Variants in SDK1 observed in about 807,000 individuals in gnomAD.
SDK1 encodes the protein sidekick cell adhesion molecule 1.
SDK1 carries 157 observed loss-of-function variants against 245.5 expected under a neutral mutation model. The ratio of observed to expected loss-of-function variants is 0.64; its 90% CI spans 0.56 to 0.73. The LOEUF is 0.73. Ranked by LOEUF, SDK1 falls within the 30% of genes least tolerant of loss-of-function variation. The pLI is 0.00. For missense variants in SDK1, 3,583 were observed against 3,002.3 expected (o/e 1.19, Z -4.52); for synonymous variants, 1,647 against 1,278.5 (o/e 1.29, Z -6.15).
intron 3 of SDK1, 103 bp from the exon 4 acceptor site, chr7:3,641,855 G>A (rs1021702932): frequency 5.6e-6 from 5 of 887,856 alleles, no homozygotes; most frequent in Admixed American, 2.4e-5. Flanking sequence ...AAATGTGGCA[G>A]CATCAGTGAC....
At chr7:4,027,362 C>G (rs1319422466) in intron 17 of SDK1, among the ~76,000 whole-genome samples, 1 of 152,190 alleles carries the variant, frequency 6.6e-6, no homozygotes, top group Non-Finnish European at 1.5e-5. Context: ...TGTGCCAAAT[C>G]CAGCTGATTT....
chr7:3,481,812 C>T (rs967251318), intron 1 of SDK1, among the ~76,000 whole-genome samples: 3 of 152,294 alleles, frequency 2.0e-5, no homozygotes, highest in Admixed American at 6.5e-5. Flanking sequence ...CTAAACTGTC[C>T]TACCTTTTGT....
rs1330421809 is a variant in SDK1 at position 4,268,111 on chromosome 7, T to C, written c.*2727T>C. On this transcript the variant is annotated 3_prime_UTR_variant, in exon 45 of 45. Coordinates refer to ENST00000404826, the MANE Select transcript of SDK1 (RefSeq NM_152744.4). ...GGCTAGATGGAATGTGCTCCCGCTC[T>C]CTCCTGCCGTGCTGAAAGTCATGCC... The C allele has an allele frequency of 2.0e-6, 2 of 985,532 alleles. No homozygotes were observed. Among genetic ancestry groups the C allele is most frequent in the Non-Finnish European group, 2.4e-6 (2 of 830,086 alleles). 61.0% of individuals were successfully genotyped at this position (985,532 alleles called of 1,614,324 possible).
intron 4 of SDK1, among the ~76,000 whole-genome samples, chr7:3,649,730 G>T (rs1283924129): frequency 1.3e-5 from 2 of 152,160 alleles, no homozygotes; most frequent in African/African-American, 4.8e-5. Flanking sequence ...AGAGAGGCCA[G>T]CAGTTGGCCG....
chr7:4,139,110 G>A (rs1386310850), intron 28 of SDK1, among the ~76,000 whole-genome samples: 2 of 150,184 alleles, frequency 1.3e-5, no homozygotes, highest in Non-Finnish European at 2.9e-5. Flanking sequence ...CACAGTGGGA[G>A]GAGCCCAGCC....
intron 1 of SDK1, among the ~76,000 whole-genome samples, chr7:3,443,877 C>G (rs1039097623): frequency 8.5e-5 from 13 of 152,170 alleles, no homozygotes; most frequent in Non-Finnish European, 1.8e-4. Context: ...TCAAGTTCAG[C>G]TAAACCACAG....
intron 2 of SDK1, among the ~76,000 whole-genome samples, chr7:3,621,046 C>T (rs528257081): frequency 1.3e-4 from 20 of 152,188 alleles, no homozygotes; most frequent in Non-Finnish European, 5.9e-5. Context: ...CCTCCCCTCC[C>T]GTAAGTGAAA....
In SDK1 at chr7:4,205,280, G is replaced by A. The variant is rs1047016798; in HGVS notation, c.5099-599G>A. On this transcript the variant is annotated intron_variant, in intron 35 of 44. Coordinates refer to ENST00000404826, the MANE Select transcript of SDK1 (RefSeq NM_152744.4). ...TCTAGATCAGGGCTTCATAGCCAGG[G>A]ATGCCTGAACCTGTCATGGGAACAC... Among the ~76,000 whole-genome samples, 3 of 152,160 alleles carry A rather than the reference G, an allele frequency of 2.0e-5. No homozygotes were observed. In the East Asian group the frequency reaches 5.8e-4, roughly 29 times the overall value.
chr7:4,244,362 C>A (rs1461903100), intron 43 of SDK1, among the ~76,000 whole-genome samples: 1 of 152,218 alleles, frequency 6.6e-6, no homozygotes, highest in Non-Finnish European at 1.5e-5. Context: ...GCCTGTCTGA[C>A]TGCCCACAGG....
At chr7:4,032,048 CATAG>C (rs941528121) in intron 17 of SDK1, among the ~76,000 whole-genome samples, 3 of 146,896 alleles carry the variant, frequency 2.0e-5, no homozygotes, top group East Asian at 2.0e-4. Flanking sequence ...AAAAAAAGTA[CATAG>C]ATAGATAGAT....
At chr7:3,322,060 A>C (rs1195472419) in intron 1 of SDK1, among the ~76,000 whole-genome samples, 1 of 149,364 alleles carries the variant, frequency 6.7e-6, no homozygotes, top group Non-Finnish European at 1.5e-5. Flanking sequence ...GAACTATTTT[A>C]AAGTGAACAG....
intron 44 of SDK1, among the ~76,000 whole-genome samples, chr7:4,262,090 C>T (rs34278493): frequency 0.3 from 36,418 of 121,736 alleles, 5,119 homozygotes; most frequent in Middle Eastern, 0.36. Context: ...AGTGCAGTGG[C>T]GAGATCTCGG....
intron 5 of SDK1, among the ~76,000 whole-genome samples, chr7:3,830,739 G>A (rs1023966410): frequency 1.2e-4 from 18 of 152,104 alleles, no homozygotes; most frequent in South Asian, 6.2e-4. Flanking sequence ...TCAAACAGTC[G>A]TCCTGTCTCG....
chr7:3,446,843 T>C (rs1457978645), intron 1 of SDK1, among the ~76,000 whole-genome samples: 2 of 152,216 alleles, frequency 1.3e-5, no homozygotes, highest in Non-Finnish European at 2.9e-5. Context: ...GCTTTGAGAT[T>C]ATTGCTTTCC....
At position 4,221,276 on chromosome 7, in the gene SDK1, G is replaced by T; in HGVS notation, c.5739G>T (p.Lys1913Asn). ...PGSPRDVLVT[K>N]SASELTLQWT... ...CGCCTAGAGATGTCCTGGTCACCAAGTCCGCCTCTGAACTGACGCTGCAGT... is the reference window on the plus strand; with the variant it reads ...CGCCTAGAGATGTCCTGGTCACCAATTCCGCCTCTGAACTGACGCTGCAGT... Residue 1913 changes from lysine (K) to asparagine (N), a missense_variant, in exon 40 of 45, where the codon AAG becomes AAT. Lys to Asn is a moderately conservative substitution (Grantham distance 94). Coordinates refer to ENST00000404826, the MANE Select transcript of SDK1 (RefSeq NM_152744.4). The T allele has an allele frequency of 1.9e-6, 3 of 1,613,858 alleles. No homozygotes were observed. In the African/African-American group the frequency reaches 4.0e-5, roughly 22 times the overall value.
intron 14 of SDK1, among the ~76,000 whole-genome samples, chr7:3,987,961 G>A (rs183633895): frequency 6.6e-6 from 1 of 151,936 alleles, no homozygotes; most frequent in Admixed American, 6.6e-5. Context: ...CTGGGAAATC[G>A]CATGCACTCC....
intron 13 of SDK1, among the ~76,000 whole-genome samples, chr7:3,978,295 G>T (rs1783129094): frequency 6.6e-6 from 1 of 152,068 alleles, no homozygotes; most frequent in Non-Finnish European, 1.5e-5. Context: ...TTTTTATTCT[G>T]CACAGTTTTA....
intron 32 of SDK1, among the ~76,000 whole-genome samples, chr7:4,169,749 C>T (rs572800440): frequency 1.3e-5 from 2 of 152,282 alleles, no homozygotes; most frequent in East Asian, 1.9e-4. Context: ...ACAGGTGCAG[C>T]TTTTCAAGGA....
At position 3,826,468 on chromosome 7, in the gene SDK1, A is replaced by G. The variant is rs138926967; in HGVS notation, c.847+4885A>G. Among the ~76,000 whole-genome samples, 764 of 152,252 alleles carry G rather than the reference A, an allele frequency of 5.0e-3. 7 individuals carry two copies. The highest frequency in any genetic ancestry group is 0.018 in the African/African-American group (740 of 41,536). On this transcript the variant is annotated intron_variant, in intron 5 of 44. Coordinates refer to ENST00000404826, the MANE Select transcript of SDK1 (RefSeq NM_152744.4). ...CTTGGCGACGTGGCTTCTACTAACGACACAAGTGTTCCTGCTGCCGTTTGT... is the reference window on the plus strand; with the variant it reads ...CTTGGCGACGTGGCTTCTACTAACGGCACAAGTGTTCCTGCTGCCGTTTGT...
Sources: gnomAD v4.1 joint callset for allele counts (sites outside exome capture counted in the v4.1 genomes callset) on GRCh38, gnomAD v4.1.1 for gene constraint, MANE v1.5 for transcripts, NCBI Gene and HGNC (gene_info 2026-07-23, HGNC 2026-07-21) for gene names.